BRCA2: variants seen among roughly 807,000 people sequenced by gnomAD.
The protein encoded by BRCA2 is breast cancer type 2 susceptibility protein.
BRCA2 carries 203 observed loss-of-function variants against 276.7 expected under a neutral mutation model. The observed-to-expected ratio is 0.73, with a 90% CI of 0.65 to 0.82. BRCA2 has a LOEUF of 0.82. Among genes scored for constraint, BRCA2 ranks in the 40% least tolerant of loss-of-function variants. The pLI, the probability that BRCA2 is intolerant of heterozygous loss-of-function variation, is 0.00. For synonymous variants in BRCA2, 1,289 were observed against 1,338.4 expected, an observed-to-expected ratio of 0.96 and a Z score of 0.81; for missense variants, 3,920 against 3,915.0, an observed-to-expected ratio of 1.00 and a Z score of -0.03.
rs2072909723 is a variant in BRCA2, at chr13:32,379,852, A to G, written c.9056A>G (p.Lys3019Arg). 1 of 1,613,878 alleles carries G rather than the reference A, an allele frequency of 6.2e-7. No homozygotes were observed. Among genetic ancestry groups the G allele is most frequent in the Non-Finnish European group, 8.5e-7 (1 of 1,179,854 alleles). ...YHLATSKSKS[K>R]SERANIQLAA... is the part of the protein sequence containing the mutation. The stretch of plus-strand genomic sequence containing the variant: ...CTTGCAACTTCAAAATCTAAAAGTA[A>G]ATCTGAAAGAGCTAACATACAGTTA... Residue 3019 changes from lysine to arginine, a missense_variant, in exon 23 of 27, where the codon AAA becomes AGA. By Grantham distance (26) the Lys-to-Arg change is conservative. Transcript: ENST00000380152.
Position 32,332,768 on chromosome 13 carries a change from C to T in BRCA2, c.1290C>T (p.Asp430=), listed in dbSNP as rs1250045630. The T allele has an allele frequency of 1.2e-6, 2 of 1,608,482 alleles. No homozygotes were observed. Among genetic ancestry groups the T allele is most frequent in the African/African-American group, 2.7e-5 (2 of 74,368 alleles). ...DQNISEKDLL[D]TENKRKKDFL... is the part of the protein sequence containing the mutation. Reference sequence around the variant, plus strand: ...ATATTTCAGAAAAAGACCTATTAGACACAGAGAACAAAAGAAAGAAAGATT... The same window carrying T: ...ATATTTCAGAAAAAGACCTATTAGATACAGAGAACAAAAGAAAGAAAGATT... The change falls in exon 10 of 27, where the codon GAC becomes GAT. Residue 430 remains aspartate (D), a synonymous_variant. Transcript: ENST00000380152.
intron 20 of BRCA2, among the ~76,000 whole-genome samples, chr13:32,372,895 G>T (rs879364707): frequency 6.6e-6 from 1 of 152,078 alleles, no homozygotes; most frequent in Non-Finnish European, 1.5e-5. Flanking sequence ...GGGGGTACAG[G>T]CATTGGGTAA....
rs431825309 is a variant in BRCA2 at position 32,337,906 on chromosome 13, G to C, written c.3551G>C (p.Gly1184Ala). ...GTAGACAGCAGCAAGCAATTTGAAG[G>C]TACAGTTGAAATTAAACGGAAGTTT... ...GQVDSSKQFE[G>A]TVEIKRKFAG... Residue 1184 changes from glycine to alanine, a missense_variant, in exon 11 of 27, where the codon GGT becomes GCT. Gly to Ala is a moderately conservative substitution (Grantham distance 60). Transcript: ENST00000380152. The C allele has an allele frequency of 6.2e-7, 1 of 1,614,072 alleles. No homozygotes were observed. The highest frequency in any genetic ancestry group is 8.5e-7 in the Non-Finnish European group (1 of 1,179,964).
rs397507875 is a variant in BRCA2 at position 32,341,020 on chromosome 13, A to G, written c.6665A>G (p.Tyr2222Cys). The G allele has an allele frequency of 7.4e-6, 12 of 1,613,418 alleles. No individual in the cohort carries two copies. Among genetic ancestry groups the G allele is most frequent in the Non-Finnish European group, 1.0e-5 (12 of 1,179,798 alleles). Residue 2222 changes from tyrosine to cysteine, a missense_variant, in exon 11 of 27, where the codon TAC becomes TGC. Coordinates refer to ENST00000380152, the MANE Select transcript of BRCA2 (RefSeq NM_000059.4). ...ACTTACTCCAAAGATTCAGAAAACT[A>G]CTTTGAAACAGAAGCAGTAGAAATT... ...CSTYSKDSEN[Y>C]FETEAVEIAK...
At position 32,356,620 on chromosome 13, in the gene BRCA2, G is replaced by C. The variant is rs1186729245; in HGVS notation, c.7617+11G>C. The C allele has an allele frequency of 1.9e-6, 3 of 1,613,166 alleles. No homozygotes were observed. The highest frequency in any genetic ancestry group is 2.2e-5 in the South Asian group (2 of 91,048). On this transcript the variant is annotated intron_variant, in intron 15 of 26. Coordinates refer to ENST00000380152, the MANE Select transcript of BRCA2 (RefSeq NM_000059.4). ...TGTTCTCATAAACAGGTATGTGTTT[G>C]TCTACAATACTGATGGCTTTTATGA...
Position 32,346,832 on chromosome 13 carries a change from A to C in BRCA2, c.6943A>C (p.Ile2315Leu), listed in dbSNP as rs80358918. Residue 2315 changes from isoleucine (I) to leucine (L), a missense_variant, in exon 13 of 27, where the codon ATA becomes CTA. Coordinates refer to ENST00000380152, the MANE Select transcript of BRCA2 (RefSeq NM_000059.4). ...ATAAAATAATTGTTTCCTAGGCACA[A>C]TAAAAGATCGAAGATTGTTTATGCA... ...KASKSTPDGTIKDRRLFMHHV... is the reference protein window; with the variant it reads ...KASKSTPDGTLKDRRLFMHHV... 36 of 1,606,694 alleles carry C rather than the reference A, an allele frequency of 2.2e-5. 1 individual carries two copies. Among genetic ancestry groups the C allele is most frequent in the Non-Finnish European group, 2.2e-5 (26 of 1,175,280 alleles).
intron 3 of BRCA2, 47 bp from the exon 4 acceptor site, chr13:32,325,029 A>G (rs369065391): frequency 6.8e-6 from 9 of 1,332,218 alleles, no homozygotes; most frequent in Admixed American, 1.7e-5. Context: ...ATGCAAATTT[A>G]TAATCCAGAG....
chr13:32,380,160 A>G lies in BRCA2; in HGVS notation c.9256+15A>G, dbSNP rs1593938320. 2 of 1,595,448 alleles carry G rather than the reference A, an allele frequency of 1.3e-6. No homozygotes were observed. The highest frequency in any genetic ancestry group is 1.1e-5 in the South Asian group (1 of 87,006). ...GAAAAAAACAGGTAATGCACAATAT[A>G]GTTAATTTTTTTTATTGATTCTTTT... is the stretch of plus-strand genomic sequence containing the variant. On this transcript the variant is annotated intron_variant, in intron 24 of 26. Transcript: ENST00000380152.
rs1064793378 is a variant in BRCA2, at chr13:32,338,609, A to G, written c.4254A>G (p.Ile1418Met). The change falls in exon 11 of 27, where the codon ATA (isoleucine) becomes ATG (methionine). Residue 1418 changes from isoleucine to methionine, a missense_variant. Ile to Met is a conservative substitution (Grantham distance 10, BLOSUM62 1). Coordinates refer to ENST00000380152, the MANE Select transcript of BRCA2 (RefSeq NM_000059.4). ...QLTATKTEQN[I>M]KDFETSDTFF... is the part of the protein sequence containing the mutation. Reference sequence around the variant, plus strand: ...CTGCTACTAAAACGGAGCAAAATATAAAAGATTTTGAGACTTCTGATACAT... The same window carrying G: ...CTGCTACTAAAACGGAGCAAAATATGAAAGATTTTGAGACTTCTGATACAT... 1 of 1,596,988 alleles carries G rather than the reference A, an allele frequency of 6.3e-7. No homozygotes were observed. The highest frequency in any genetic ancestry group is 1.7e-4 in the Middle Eastern group (1 of 5,988).
chr13:32,320,722 C>T (rs1315951040), intron 3 of BRCA2, among the ~76,000 whole-genome samples: 2 of 152,160 alleles, frequency 1.3e-5, no homozygotes, highest in Non-Finnish European at 2.9e-5. Context: ...CAAATATTTA[C>T]ATGTATGTTA....
In BRCA2 at chr13:32,394,890, G is replaced by C. The variant is rs80359220; in HGVS notation, c.9458G>C (p.Gly3153Ala). 3.5e-5 allele frequency: 57 copies of C among 1,613,936 alleles called. No individual in the cohort carries two copies. The highest frequency in any genetic ancestry group is 4.5e-5 in the Non-Finnish European group (53 of 1,179,986). ...FSVFSASPKE[G>A]HFQETFNKMK... ...GTGTTTTCTGCTAGTCCAAAAGAGG[G>C]CCACTTTCAAGAGACATTCAACAAA... Residue 3153 changes from glycine (G) to alanine (A), a missense_variant, in exon 25 of 27, where the codon GGC (glycine) becomes GCC (alanine). Physicochemically the swap from Gly to Ala is moderately conservative, Grantham distance 60. This residue lies in a region of BRCA2 where 657 missense variants were observed against 758.2 expected (regional missense o/e 0.87). Coordinates refer to ENST00000380152, the MANE Select transcript of BRCA2 (RefSeq NM_000059.4).
chr13:32,393,990 A>G (rs1170450596), intron 24 of BRCA2, among the ~76,000 whole-genome samples: 1 of 152,146 alleles, frequency 6.6e-6, no homozygotes, highest in Non-Finnish European at 1.5e-5. Context: ...CTTTTGCTCA[A>G]ATGAACAGAT....
rs117276662 is a variant in BRCA2, at chr13:32,341,936, A to G, written c.6841+740A>G. On this transcript the variant is annotated intron_variant, in intron 11 of 26. Coordinates refer to ENST00000380152, the MANE Select transcript of BRCA2 (RefSeq NM_000059.4). ...GTAATATATACTACTTAGTTACACT[A>G]CTTACATAGCTTCAGTTTCCTTATC... Among the ~76,000 whole-genome samples the G allele has an allele frequency of 7.2e-5, 11 of 152,072 alleles. No homozygotes were observed. In the East Asian group the frequency reaches 1.9e-3, roughly 27 times the overall value.
intron 11 of BRCA2, among the ~76,000 whole-genome samples, 157 bp downstream of exon 11, chr13:32,341,353 A>G (rs1457426568): frequency 6.6e-6 from 1 of 152,164 alleles, no homozygotes; most frequent in African/African-American, 2.4e-5. Context: ...ATATACAGAT[A>G]CACAGATTCA....
rs774042229 is a variant in BRCA2, at chr13:32,398,125, A to C, written c.9649-37A>C. 12 of 1,575,510 alleles carry C rather than the reference A, an allele frequency of 7.6e-6. No individual in the cohort carries two copies. The highest frequency in any genetic ancestry group is 1.7e-4 in the Middle Eastern group (1 of 5,960). On this transcript the variant is annotated intron_variant, in intron 26 of 26. Transcript: ENST00000380152. ...TTGATTTAGTTTTTTATGTTACTAC[A>C]TAATTATGATAGGCTACGTTTTCAT...
At position 32,361,895 on chromosome 13, in the gene BRCA2, C is replaced by T. The variant is rs918366548; in HGVS notation, c.7806-628C>T. ...AAGACTAAGAAAGGCAGTTCTCAGG[C>T]GTGATTTCTAAAAAAATCTCTTTCA... On this transcript the variant is annotated intron_variant, in intron 16 of 26. Transcript: ENST00000380152. 3.9e-5 allele frequency among the ~76,000 whole-genome samples: 6 copies of T among 151,924 alleles called. No homozygotes were observed. The South Asian group carries it at 6.2e-4, about 16-fold the overall frequency.
rs398122611 is a variant in BRCA2 at position 32,380,094 on chromosome 13, T to C, written c.9205T>C (p.Cys3069Arg). ...TTTAGATCCAGACTTTCAGCCATCT[T>C]GTTCTGAGGTGGACCTAATAGGATT... is the stretch of plus-strand genomic sequence containing the variant. Reference protein sequence around the residue: ...KFLDPDFQPSCSEVDLIGFVV... With the variant: ...KFLDPDFQPSRSEVDLIGFVV... Residue 3069 changes from cysteine to arginine, a missense_variant, in exon 24 of 27, where the codon TGT becomes CGT. By Grantham distance (180) the Cys-to-Arg change is radical. Transcript: ENST00000380152. 8 of 1,614,026 alleles carry C rather than the reference T, an allele frequency of 5.0e-6. No homozygotes were observed. The highest frequency in any genetic ancestry group is 1.6e-4 in the Middle Eastern group (1 of 6,082).
chr13:32,351,946 C>A (rs546735265), intron 13 of BRCA2, among the ~76,000 whole-genome samples: 1 of 152,062 alleles, frequency 6.6e-6, no homozygotes, highest in Non-Finnish European at 1.5e-5. Context: ...GGATTACAGG[C>A]GCGTGCCACC....
At chr13:32,343,719 A>C (rs1250482529) in intron 11 of BRCA2, among the ~76,000 whole-genome samples, 2 of 151,406 alleles carry the variant, frequency 1.3e-5, no homozygotes, top group East Asian at 3.9e-4. Context: ...GAAAAAAAAA[A>C]CAATAACTCA....
Sources: gnomAD v4.1 joint callset for allele counts (sites outside exome capture counted in the v4.1 genomes callset) on GRCh38, gnomAD v4.1.1 for gene constraint, gnomAD v4.1.1 regional missense constraint, MANE v1.5 for transcripts, NCBI Gene and HGNC (gene_info 2026-07-23, HGNC 2026-07-21) for gene names.